Variants in CFAP20DC observed in about 807,000 individuals in gnomAD.
The protein encoded by CFAP20DC is CFAP20 domain containing.
In CFAP20DC, 84 loss-of-function variants were observed where a neutral mutation model predicts 101.7. The ratio of observed to expected loss-of-function variants is 0.83; its 90% CI spans 0.69 to 0.99. CFAP20DC has a LOEUF of 0.99. Ranked by LOEUF, CFAP20DC falls within the 50% of genes least tolerant of loss-of-function variation. The probability of loss-of-function intolerance (pLI) is 0.00; values close to 1 mark genes in which losing one functional copy is unlikely to be tolerated. For missense variants in CFAP20DC, 1,007 were observed against 970.3 expected (o/e 1.04, Z -0.50); for synonymous variants, 359 against 351.2 (o/e 1.02, Z -0.25).
At chr3:58,947,894 T>C (rs1208228260) in intron 4 of CFAP20DC, among the ~76,000 whole-genome samples, 2 of 152,128 alleles carry the variant, frequency 1.3e-5, no homozygotes, top group East Asian at 3.9e-4. Context: ...TCTGAAGACA[T>C]GTACAGAACA....
At position 58,863,405 on chromosome 3, in the gene CFAP20DC, C is replaced by A; in HGVS notation, c.1593+153G>T. 3 of 1,410,556 alleles carry A rather than the reference C, an allele frequency of 2.1e-6. No homozygotes were observed. Among genetic ancestry groups the A allele is most frequent in the South Asian group, 1.7e-5 (1 of 58,714 alleles). 87.4% of individuals were successfully genotyped at this position (1,410,556 alleles called of 1,614,324 possible). A position where few individuals can be genotyped will look rare whatever the true frequency, so the allele number is the denominator to read the frequency against. On this transcript the variant is annotated intron_variant, in intron 12 of 16. Coordinates refer to ENST00000482387, the MANE Select transcript of CFAP20DC (RefSeq NM_001394063.1). This position sits in a 1 kb window ranked among gnomAD's most constrained non-coding sequence, Gnocchi z 5.9. ...AAAAGACAGTTTAAAGTTACCATAA[C>A]AACCTGATGCAACTGTGGACTGACA...
chr3:58,990,081 G>A (rs1443004600), intron 4 of CFAP20DC, among the ~76,000 whole-genome samples: 3 of 152,142 alleles, frequency 2.0e-5, no homozygotes, highest in Admixed American at 6.5e-5. Context: ...ATAAAGACAG[G>A]AGCACAAGGA....
intron 4 of CFAP20DC, among the ~76,000 whole-genome samples, chr3:59,031,118 G>A (rs936385757): frequency 2.0e-4 from 30 of 152,276 alleles, no homozygotes; most frequent in Admixed American, 6.5e-4. Context: ...CGCCGTGCCT[G>A]GCCAGCTTTA....
intron 4 of CFAP20DC, among the ~76,000 whole-genome samples, chr3:59,003,037 GT>G (rs1559973619): frequency 6.6e-6 from 1 of 152,022 alleles, no homozygotes; most frequent in African/African-American, 2.4e-5. Context: ...TTTTATAAGC[GT>G]TTCAAGAGAT....
At chr3:58,903,499 T>C (rs2083333432) in intron 6 of CFAP20DC, among the ~76,000 whole-genome samples, 1 of 152,148 alleles carries the variant, frequency 6.6e-6, no homozygotes, top group South Asian at 2.1e-4. Flanking sequence ...CAAGACTGGG[T>C]AATTTATAAA....
chr3:58,956,413 A>G (rs978706010), intron 4 of CFAP20DC, among the ~76,000 whole-genome samples: 12 of 152,062 alleles, frequency 7.9e-5, no homozygotes, highest in African/African-American at 2.9e-4. Flanking sequence ...AGTGGGCATG[A>G]GGTGGCTGTA....
chr3:58,955,393 C>G (rs1230066552), intron 4 of CFAP20DC, among the ~76,000 whole-genome samples: 1 of 152,150 alleles, frequency 6.6e-6, no homozygotes, highest in Admixed American at 6.6e-5. Context: ...GACAGTATTT[C>G]TGTGTGTCAG....
At position 59,046,257 on chromosome 3, in the gene CFAP20DC, A is replaced by T. The variant is rs1222120255; in HGVS notation, c.177T>A (p.Ile59=). The T allele has an allele frequency of 1.3e-6, 2 of 1,532,638 alleles. No individual in the cohort carries two copies. The highest frequency in any genetic ancestry group is 4.9e-5 in the East Asian group (2 of 40,786). The allele number at this position is 1,532,638 out of a possible 1,614,324, so 94.9% of individuals were successfully genotyped here. A position where few individuals can be genotyped will look rare whatever the true frequency, so the allele number is the denominator to read the frequency against. ...VLEGSSQTNK[I]QLPKENKQSL... ...TTTGCTTATTCTCCTTTGGTAACTG[A>T]ATTTTGTTTGTTTGGCTGCTGCCTT... Residue 59 remains isoleucine, a synonymous_variant, in exon 3 of 17, where the codon ATT becomes ATA. Transcript: ENST00000482387.
intron 3 of CFAP20DC, among the ~76,000 whole-genome samples, chr3:59,042,664 GT>G (rs1231213268): frequency 1.3e-5 from 2 of 152,050 alleles, no homozygotes; most frequent in African/African-American, 4.8e-5. Context: ...TAGTGGAGGA[GT>G]AACATTACTT....
chr3:58,957,876 A>G (rs768212374), intron 4 of CFAP20DC, among the ~76,000 whole-genome samples: 17 of 152,174 alleles, frequency 1.1e-4, no homozygotes, highest in Non-Finnish European at 2.4e-4. Context: ...TGGTGAGGAC[A>G]TGGGAATGGT....
At position 58,799,397 on chromosome 3, in the gene CFAP20DC, C is replaced by T. The variant is rs569312866; in HGVS notation, c.2237+6998G>A. Among the ~76,000 whole-genome samples the T allele has an allele frequency of 2.0e-4, 31 of 152,168 alleles. No homozygotes were observed. The highest frequency in any genetic ancestry group is 3.6e-4 in the African/African-American group (15 of 41,522). Reference sequence around the variant, plus strand: ...TAAAACAAACTCACAAAAAAGGTTTCGTTTATTATAAATGGGAACAGGGCC... The same window carrying T: ...TAAAACAAACTCACAAAAAAGGTTTTGTTTATTATAAATGGGAACAGGGCC... On this transcript the variant is annotated intron_variant, in intron 15 of 16. Coordinates refer to ENST00000482387, the MANE Select transcript of CFAP20DC (RefSeq NM_001394063.1). The surrounding 1 kb of genome is among the most constrained non-coding windows in gnomAD (Gnocchi z 4.9).
chr3:58,839,140 C>T (rs2076933839), intron 13 of CFAP20DC, among the ~76,000 whole-genome samples: 1 of 152,208 alleles, frequency 6.6e-6, no homozygotes, highest in African/African-American at 2.4e-5. Context: ...GATATACCAA[C>T]ATTTGTGTGT....
At chr3:58,906,944 A>T (rs1463476471) in intron 6 of CFAP20DC, among the ~76,000 whole-genome samples, 4 of 152,106 alleles carry the variant, frequency 2.6e-5, no homozygotes, top group African/African-American at 9.7e-5. Flanking sequence ...AAAGCAAAAA[A>T]CAAGATGCAG....
intron 3 of CFAP20DC, among the ~76,000 whole-genome samples, chr3:58,720,797 C>G (rs554865383): frequency 6.6e-6 from 1 of 152,300 alleles, no homozygotes; most frequent in East Asian, 1.9e-4. Context: ...CAATATTAAA[C>G]AGCCCATTCA....
chr3:58,877,257 A>G (rs191606815), intron 7 of CFAP20DC, among the ~76,000 whole-genome samples: 8 of 152,332 alleles, frequency 5.3e-5, no homozygotes, highest in Non-Finnish European at 8.8e-5. Context: ...TAAGACAGGG[A>G]GTAAGGTGGA....
At chr3:58,983,540 T>C (rs1355621678) in intron 4 of CFAP20DC, among the ~76,000 whole-genome samples, 3 of 152,162 alleles carry the variant, frequency 2.0e-5, no homozygotes, top group African/African-American at 7.2e-5. Context: ...CAAAACACTC[T>C]AATGGGAAAG....
intron 4 of CFAP20DC, among the ~76,000 whole-genome samples, chr3:58,999,157 G>A (rs2093230521): frequency 6.6e-6 from 1 of 152,206 alleles, no homozygotes; most frequent in Non-Finnish European, 1.5e-5. Flanking sequence ...TGTAAGTATG[G>A]TAAGAGTGGA....
intron 4 of CFAP20DC, among the ~76,000 whole-genome samples, chr3:58,955,387 G>T (rs1341183748): frequency 2.0e-5 from 3 of 152,162 alleles, no homozygotes; most frequent in Non-Finnish European, 4.4e-5. Context: ...GGTGCAGACA[G>T]TATTTCTGTG....
At chr3:58,884,191 C>T (rs2081432145) in intron 7 of CFAP20DC, among the ~76,000 whole-genome samples, 1 of 152,168 alleles carries the variant, frequency 6.6e-6, no homozygotes, top group South Asian at 2.1e-4. Context: ...CCCACTACTC[C>T]CTACAACTCC....
Sources: gnomAD v4.1 joint callset for allele counts (sites outside exome capture counted in the v4.1 genomes callset) on GRCh38, gnomAD v4.1.1 for gene constraint, Gnocchi (gnomAD v3.1) non-coding constraint, MANE v1.5 for transcripts, NCBI Gene and HGNC (gene_info 2026-07-23, HGNC 2026-07-21) for gene names.